ST6GALNAC3: variants seen among roughly 807,000 people sequenced by gnomAD.
ST6GALNAC3 encodes the protein ST6 N-acetylgalactosaminide alpha-2,6-sialyltransferase 3.
In ST6GALNAC3, 25 loss-of-function variants were observed where a neutral mutation model predicts 32.7. The observed-to-expected ratio is 0.76, with a 90% CI of 0.56 to 1.07. The LOEUF is 1.07. Among genes scored for constraint, ST6GALNAC3 ranks in the 50% least tolerant of loss-of-function variants. ST6GALNAC3 has a pLI of 0.00. For synonymous variants in ST6GALNAC3, 129 were observed against 133.1 expected (o/e 0.97, Z 0.21); for missense variants, 355 against 382.4 (o/e 0.93, Z 0.60).
chr1:76,614,016 C>T (rs560137058), intron 3 of ST6GALNAC3, among the ~76,000 whole-genome samples: 1 of 152,308 alleles, frequency 6.6e-6, no homozygotes, highest in Non-Finnish European at 1.5e-5. Context: ...GAGAAAACAT[C>T]AGCAAAATGC....
At chr1:76,533,233 C>T (rs1663367362) in intron 3 of ST6GALNAC3, among the ~76,000 whole-genome samples, 1 of 152,184 alleles carries the variant, frequency 6.6e-6, no homozygotes, top group African/African-American at 2.4e-5. Flanking sequence ...CTGAAGCAAA[C>T]TTTTGAAAAA....
At chr1:76,077,173 C>T (rs1348461214) in intron 1 of ST6GALNAC3, among the ~76,000 whole-genome samples, 1 of 152,248 alleles carries the variant, frequency 6.6e-6, no homozygotes, top group South Asian at 2.1e-4. Context: ...CTGCTGCAAC[C>T]TGGAGCCTCA....
intron 3 of ST6GALNAC3, among the ~76,000 whole-genome samples, chr1:76,467,102 A>C (rs910544554): frequency 2.0e-5 from 3 of 152,096 alleles, no homozygotes. Flanking sequence ...ATTTACAAAA[A>C]AAGAAAAGAA....
intron 1 of ST6GALNAC3, among the ~76,000 whole-genome samples, chr1:76,183,153 T>C (rs1227926388): frequency 1.3e-5 from 2 of 152,200 alleles, no homozygotes; most frequent in Non-Finnish European, 2.9e-5. Context: ...GGTCACGTAA[T>C]GAAAATTTAG....
intron 1 of ST6GALNAC3, among the ~76,000 whole-genome samples, chr1:76,122,880 A>G (rs1402568218): frequency 6.6e-6 from 1 of 152,206 alleles, no homozygotes; most frequent in Non-Finnish European, 1.5e-5. Flanking sequence ...CACAAAGCTC[A>G]AACAGCTCCA....
rs1008532429 is a variant in ST6GALNAC3 at position 76,425,313 on chromosome 1, C to A, written c.623+12896C>A. ...AAGTAGCAACTTCCCCTATTAGGAGCGTAACTAGCAGCTGCTGTGTTTCTC... is the reference window on the plus strand; with the variant it reads ...AAGTAGCAACTTCCCCTATTAGGAGAGTAACTAGCAGCTGCTGTGTTTCTC... On this transcript the variant is annotated intron_variant, in intron 3 of 4. Coordinates refer to ENST00000328299, the MANE Select transcript of ST6GALNAC3 (RefSeq NM_152996.4). 2.0e-5 allele frequency among the ~76,000 whole-genome samples: 3 copies of A among 151,922 alleles called. No homozygotes were observed. The South Asian group carries it at 6.2e-4, about 31-fold the overall frequency.
At chr1:76,293,951 G>T (rs1279800079) in intron 1 of ST6GALNAC3, among the ~76,000 whole-genome samples, 2 of 152,112 alleles carry the variant, frequency 1.3e-5, no homozygotes, top group Non-Finnish European at 2.9e-5. Context: ...ACTGGTCAAT[G>T]AAAACTTTTC....
intron 1 of ST6GALNAC3, among the ~76,000 whole-genome samples, chr1:76,239,268 G>A (rs1005344141): frequency 1.3e-5 from 2 of 152,108 alleles, no homozygotes; most frequent in African/African-American, 2.4e-5. Flanking sequence ...GCCCAAGTCA[G>A]CATCCTTGAA....
intron 3 of ST6GALNAC3, among the ~76,000 whole-genome samples, chr1:76,607,234 G>T (rs181855996): frequency 1.9e-4 from 29 of 152,242 alleles, no homozygotes; most frequent in African/African-American, 6.7e-4. Context: ...TGCCCTCTCC[G>T]GGTCCACCAC....
chr1:76,171,633 A>G (rs956280063), intron 1 of ST6GALNAC3, among the ~76,000 whole-genome samples: 1 of 152,096 alleles, frequency 6.6e-6, no homozygotes, highest in Non-Finnish European at 1.5e-5. Flanking sequence ...CAGAAATACA[A>G]ACTGCCATCA....
chr1:76,462,726 G>A (rs997471103), intron 3 of ST6GALNAC3, among the ~76,000 whole-genome samples: 2 of 152,046 alleles, frequency 1.3e-5, no homozygotes, highest in African/African-American at 2.4e-5. Context: ...CACAGTATTT[G>A]TTTAAGATGG....
At chr1:76,480,255 A>AT (rs1659637004) in intron 3 of ST6GALNAC3, among the ~76,000 whole-genome samples, 1 of 152,184 alleles carries the variant, frequency 6.6e-6, no homozygotes, top group South Asian at 2.1e-4. Flanking sequence ...TTTGAAATTC[A>AT]TTTTTCCCAG....
At chr1:76,219,835 T>A (rs1009280187) in intron 1 of ST6GALNAC3, among the ~76,000 whole-genome samples, 3 of 152,206 alleles carry the variant, frequency 2.0e-5, no homozygotes, top group Non-Finnish European at 4.4e-5. Context: ...AGTTCTTGTG[T>A]TAAATAAGTT....
chr1:76,238,695 G>A (rs1001321056), intron 1 of ST6GALNAC3, among the ~76,000 whole-genome samples: 9 of 152,136 alleles, frequency 5.9e-5, no homozygotes, highest in Admixed American at 1.3e-4. Context: ...TTATTAAAGC[G>A]AGGAAATTGG....
chr1:76,598,516 T>C (rs1272163354), intron 3 of ST6GALNAC3, among the ~76,000 whole-genome samples: 2 of 152,178 alleles, frequency 1.3e-5, no homozygotes, highest in African/African-American at 4.8e-5. Flanking sequence ...TTAAACTGAT[T>C]TCGATCTCTT....
At chr1:76,494,439 A>G (rs927462751) in intron 3 of ST6GALNAC3, among the ~76,000 whole-genome samples, 3 of 65,658 alleles carry the variant, frequency 4.6e-5, no homozygotes, top group African/African-American at 1.4e-4. Flanking sequence ...GTATATATAT[A>G]TATATATATA....
rs1649383556 is a variant in ST6GALNAC3 at position 76,633,188 on chromosome 1, CT to C, written c.*4383del. The C allele has an allele frequency of 5.9e-5, 9 of 152,154 alleles. No homozygotes were observed. The highest frequency in any genetic ancestry group is 5.9e-4 in the Admixed American group (9 of 15,266). 9.4% of individuals were successfully genotyped at this position (152,154 alleles called of 1,614,324 possible). ...GCAGTACTGAGACTCAAATTCTTGTCTCATGTTTTCTTCTCTAGTGCTTTTT... is the reference window on the plus strand; with the variant it reads ...GCAGTACTGAGACTCAAATTCTTGTCCATGTTTTCTTCTCTAGTGCTTTTT... On this transcript the variant is annotated 3_prime_UTR_variant, in exon 5 of 5. Coordinates refer to ENST00000328299, the MANE Select transcript of ST6GALNAC3 (RefSeq NM_152996.4).
At chr1:76,287,252 G>A (rs1031741059) in intron 1 of ST6GALNAC3, among the ~76,000 whole-genome samples, 5 of 152,132 alleles carry the variant, frequency 3.3e-5, no homozygotes, top group Non-Finnish European at 2.9e-5. Context: ...ATTATAGAGT[G>A]TGTCTGTTTG....
intron 1 of ST6GALNAC3, among the ~76,000 whole-genome samples, chr1:76,176,076 G>A (rs1652830544): frequency 6.6e-6 from 1 of 151,982 alleles, no homozygotes; most frequent in African/African-American, 2.4e-5. Context: ...CACAGTTTAG[G>A]GTGAATTCTA....
Sources: allele counts gnomAD v4.1 joint callset (sites outside exome capture counted in the v4.1 genomes callset), GRCh38; gene constraint gnomAD v4.1.1; transcripts MANE v1.5; gene names NCBI Gene and HGNC (gene_info 2026-07-23, HGNC 2026-07-21).